KAT6B: variants seen among roughly 807,000 people sequenced by gnomAD.
The protein encoded by KAT6B is lysine acetyltransferase 6B, also known as histone acetyltransferase KAT6B.
A neutral mutation model predicts 187.5 loss-of-function variants in KAT6B; 10 were observed. The observed-to-expected ratio is 0.05, with a 90% CI of 0.03 to 0.09. The LOEUF (loss-of-function observed/expected upper bound fraction) is 0.09, where lower values mean the gene tolerates loss of function less well. KAT6B is among the 10% of genes least tolerant of loss of function. The pLI is 1.00. For synonymous variants in KAT6B, 861 were observed against 926.8 expected (o/e 0.93, Z 1.29); for missense variants, 1,952 against 2,558.9 (o/e 0.76, Z 5.12).
intron 3 of KAT6B, among the ~76,000 whole-genome samples, chr10:74,864,131 C>T (rs530719942): frequency 3.9e-5 from 6 of 152,088 alleles, no homozygotes; most frequent in East Asian, 3.9e-4. Flanking sequence ...TGCAGTGGCG[C>T]GATCTCAGCC....
At position 74,945,693 on chromosome 10, in the gene KAT6B, G is replaced by A. The variant is rs185806767; in HGVS notation, c.622-14277G>A. ...TCCAACTCCTGAGCTCAAGTGATCCGCCCGCCTCAGCCTCCCAAAGTGCTG... is the reference window on the plus strand; with the variant it reads ...TCCAACTCCTGAGCTCAAGTGATCCACCCGCCTCAGCCTCCCAAAGTGCTG... On this transcript the variant is annotated intron_variant, in intron 3 of 17. Transcript: ENST00000287239. Among the ~76,000 whole-genome samples, 402 of 152,014 alleles carry A rather than the reference G, an allele frequency of 2.6e-3. 1 individual carries two copies. The highest frequency in any genetic ancestry group is 4.8e-3 in the Non-Finnish European group (327 of 67,924).
intron 3 of KAT6B, among the ~76,000 whole-genome samples, chr10:74,870,875 C>CCTTTTTTTTTTTTTTT: frequency 6.7e-6 from 1 of 150,064 alleles, no homozygotes; most frequent in East Asian, 2.0e-4. Context: ...CCATGCCTGG[C>CCTTTTTTTTTTTTTTT]GTTTTTTTGT....
Position 74,842,960 on chromosome 10 carries a change from G to A in KAT6B, c.103G>A (p.Ala35Thr). 6.2e-7 allele frequency: 1 copy of A among 1,614,184 alleles called. No individual in the cohort carries two copies. The highest frequency in any genetic ancestry group is 8.5e-7 in the Non-Finnish European group (1 of 1,180,030). Residue 35 changes from alanine (A) to threonine (T), a missense_variant, in exon 3 of 18, where the codon GCG becomes ACG. Physicochemically the swap from Ala to Thr is moderately conservative, Grantham distance 58. Coordinates refer to ENST00000287239, the MANE Select transcript of KAT6B (RefSeq NM_012330.4). ...GCCCTCTGAAGAGAGAATCTGCCAT[G>A]CGGTCAGTACTTCCCATGGGTTGGA... ...QRPSEERICHAVSTSHGLDKK... is the reference protein window; with the variant it reads ...QRPSEERICHTVSTSHGLDKK...
intron 17 of KAT6B, among the ~76,000 whole-genome samples, chr10:75,026,710 T>C (rs1330858082): frequency 6.6e-6 from 1 of 152,154 alleles, no homozygotes; most frequent in Non-Finnish European, 1.5e-5. Flanking sequence ...CCTTCTTGGC[T>C]GTCTTCTCAT....
At chr10:74,883,785 C>A (rs534096403) in intron 3 of KAT6B, among the ~76,000 whole-genome samples, 11 of 152,210 alleles carry the variant, frequency 7.2e-5, no homozygotes, top group Non-Finnish European at 1.6e-4. Flanking sequence ...CAGGCCTACC[C>A]TTCTGCCCAT....
chr10:74,897,933 T>C (rs1846101549), intron 3 of KAT6B, among the ~76,000 whole-genome samples: 1 of 152,224 alleles, frequency 6.6e-6, no homozygotes, highest in Non-Finnish European at 1.5e-5. Context: ...TTGCAGATTA[T>C]TTTTGCCATG....
chr10:75,009,728 G>A (rs1255422367), intron 13 of KAT6B, among the ~76,000 whole-genome samples: 3 of 152,166 alleles, frequency 2.0e-5, no homozygotes, highest in East Asian at 1.9e-4. Context: ...GTCCCTGGCC[G>A]GGCGCAGTGG....
chr10:75,002,493 A>G, intron 13 of KAT6B, among the ~76,000 whole-genome samples: 1 of 152,154 alleles, frequency 6.6e-6, no homozygotes. Flanking sequence ...ATTTTGAGAA[A>G]TGCACCATTA....
chr10:74,825,616 G>C (rs1445244900), upstream of KAT6B: 1 of 154,270 alleles, frequency 6.5e-6, no homozygotes, highest in Non-Finnish European at 1.5e-5. This position sits in a 1 kb window ranked among gnomAD's most constrained non-coding sequence, Gnocchi z 5.0. Flanking sequence ...GGAAGGCAGC[G>C]GGGAGACCCA....
intron 3 of KAT6B, among the ~76,000 whole-genome samples, chr10:74,907,426 A>C (rs1401006944): frequency 1.3e-5 from 2 of 152,196 alleles, no homozygotes; most frequent in Non-Finnish European, 2.9e-5. Flanking sequence ...CAAAACCTCC[A>C]TTCATTCTGG....
chr10:74,838,403 C>T (rs1384126991), intron 1 of KAT6B, among the ~76,000 whole-genome samples: 2 of 152,096 alleles, frequency 1.3e-5, no homozygotes, highest in Non-Finnish European at 2.9e-5. Context: ...TCTTAGGAAT[C>T]TATCACAAAC....
intron 4 of KAT6B, among the ~76,000 whole-genome samples, chr10:74,968,614 T>C (rs1376941898): frequency 6.6e-6 from 1 of 151,996 alleles, no homozygotes; most frequent in Non-Finnish European, 1.5e-5. Context: ...CAGAATCTGC[T>C]TTTTTTTATT....
intron 11 of KAT6B, chr10:74,983,196 A>C (rs1413576614): frequency 6.6e-6 from 1 of 152,206 alleles, no homozygotes; most frequent in Non-Finnish European, 1.5e-5. Flanking sequence ...CAAGCTGGTT[A>C]GTTCTTTGTT....
chr10:74,985,175 A>G lies in KAT6B; in HGVS notation c.2469A>G (p.Pro823=). 1 of 1,614,158 alleles carries G rather than the reference A, an allele frequency of 6.2e-7. No homozygotes were observed. The highest frequency in any genetic ancestry group is 8.5e-7 in the Non-Finnish European group (1 of 1,179,986). The stretch of plus-strand genomic sequence containing the variant: ...AAACGTTGTATTATGATGTCGAGCC[A>G]TTCCTTTTTTATGTCCTTACAAAAA... ...DHKTLYYDVE[P]FLFYVLTKND... is the part of the protein sequence containing the mutation. Residue 823 remains proline, a synonymous_variant, in exon 12 of 18, where the codon CCA becomes CCG. Transcript: ENST00000287239.
intron 2 of KAT6B, 53 bp downstream of exon 2, chr10:74,838,805 G>T (rs1841503296): frequency 6.6e-6 from 1 of 152,082 alleles, no homozygotes; most frequent in African/African-American, 2.4e-5. Context: ...CAATCTTATT[G>T]AAATGTGTTG....
At chr10:75,018,962 C>T (rs763209570) in intron 13 of KAT6B, among the ~76,000 whole-genome samples, 18 of 152,150 alleles carry the variant, frequency 1.2e-4, no homozygotes, top group Non-Finnish European at 2.5e-4. Context: ...AGGCAGGTGA[C>T]GGATGTGCCA....
intron 14 of KAT6B, 101 bp downstream of exon 14, chr10:75,020,914 C>G (rs879910368): frequency 6.6e-5 from 70 of 1,066,190 alleles, no homozygotes; most frequent in Admixed American, 1.2e-4. Flanking sequence ...ACTGAGGTTC[C>G]CTAACAGTAT....
At chr10:74,856,746 A>G (rs1037884920) in intron 3 of KAT6B, among the ~76,000 whole-genome samples, 10 of 152,004 alleles carry the variant, frequency 6.6e-5, no homozygotes, top group African/African-American at 2.4e-4. Flanking sequence ...AGAAAATACA[A>G]AAAAATCAGC....
chr10:75,004,950 A>G (rs1481841947), intron 13 of KAT6B, among the ~76,000 whole-genome samples: 2 of 151,984 alleles, frequency 1.3e-5, no homozygotes, highest in Non-Finnish European at 1.5e-5. Flanking sequence ...CCTGGCTTCA[A>G]GTTATGCTCC....
Sources: gnomAD v4.1 joint callset for allele counts (sites outside exome capture counted in the v4.1 genomes callset) on GRCh38, gnomAD v4.1.1 for gene constraint, Gnocchi (gnomAD v3.1) non-coding constraint, MANE v1.5 for transcripts, NCBI Gene and HGNC (gene_info 2026-07-23, HGNC 2026-07-21) for gene names.